ACBD5: variants seen among roughly 807,000 people sequenced by gnomAD.
ACBD5 encodes acyl-CoA binding domain containing 5.
Under a neutral mutation model 71.8 loss-of-function variants are expected in ACBD5, and 40 were observed. The observed-to-expected ratio is 0.56, with a 90% CI of 0.43 to 0.72. The LOEUF is 0.72. Ranked by LOEUF, ACBD5 falls within the 30% of genes least tolerant of loss-of-function variation. The pLI, the probability that ACBD5 is intolerant of heterozygous loss-of-function variation, is 0.00. For missense variants in ACBD5, 559 were observed against 644.5 expected, an observed-to-expected ratio of 0.87 and a Z score of 1.44; for synonymous variants, 229 against 218.6, an observed-to-expected ratio of 1.05 and a Z score of -0.42.
At chr10:27,214,281 T>C (rs983186572) in intron 8 of ACBD5, among the ~76,000 whole-genome samples, 1 of 152,158 alleles carries the variant, frequency 6.6e-6, no homozygotes, top group Non-Finnish European at 1.5e-5. Context: ...TCTGAAATAA[T>C]GGATACTCCA....
At chr10:27,209,003 G>A (rs989202901) in intron 9 of ACBD5, among the ~76,000 whole-genome samples, 2 of 152,006 alleles carry the variant, frequency 1.3e-5, no homozygotes, top group Admixed American at 6.6e-5. Flanking sequence ...AATACATTAT[G>A]CAAATAATTC....
downstream of ACBD5, among the ~76,000 whole-genome samples, chr10:27,193,680 T>C (rs1437075237): frequency 6.6e-6 from 1 of 152,170 alleles, no homozygotes; most frequent in Non-Finnish European, 1.5e-5. Flanking sequence ...ACATTAGATC[T>C]AAATGTACTT....
intron 4 of ACBD5, among the ~76,000 whole-genome samples, chr10:27,226,446 G>C (rs61006029): frequency 0.059 from 6,311 of 107,164 alleles, 265 homozygotes; most frequent in African/African-American, 0.14. Context: ...ATGAGATACA[G>C]ACTACACACA....
chr10:27,185,825 C>T (rs1352865864), intron 13 of ACBD5, among the ~76,000 whole-genome samples: 1 of 151,168 alleles, frequency 6.6e-6, no homozygotes, highest in Non-Finnish European at 1.5e-5. Context: ...CATGGTGACT[C>T]ACACCTGTAA....
chr10:27,198,360 C>T (rs1716134655), intron 12 of ACBD5, among the ~76,000 whole-genome samples: 1 of 152,158 alleles, frequency 6.6e-6, no homozygotes, highest in African/African-American at 2.4e-5. Context: ...CACCTTACAC[C>T]ATCACATATG....
At chr10:27,194,659 A>C (rs1014498860), downstream of ACBD5, among the ~76,000 whole-genome samples, 1 of 137,108 alleles carries the variant, frequency 7.3e-6, no homozygotes, top group African/African-American at 2.8e-5. Context: ...AAGATGGTTG[A>C]TTAGGGTTCA....
chr10:27,182,950 A>C (rs1331164378), intron 13 of ACBD5, among the ~76,000 whole-genome samples: 1 of 152,036 alleles, frequency 6.6e-6, no homozygotes, highest in Non-Finnish European at 1.5e-5. Flanking sequence ...GCCTGTCCTA[A>C]AACAATCTTG....
intron 12 of ACBD5, among the ~76,000 whole-genome samples, chr10:27,201,230 C>T (rs557147113): frequency 2.6e-5 from 4 of 152,176 alleles, no homozygotes; most frequent in African/African-American, 7.2e-5. Context: ...GGTCTGCTTT[C>T]GGTATTTTAA....
At chr10:27,205,177 A>T in intron 11 of ACBD5, 21 bp downstream of exon 11, 1 of 1,608,100 alleles carries the variant, frequency 6.2e-7, no homozygotes, top group Non-Finnish European at 8.5e-7. Context: ...TGGCATTTAA[A>T]TTTTTTAAAA....
chr10:27,206,009 G>C (rs1233655775), intron 10 of ACBD5, among the ~76,000 whole-genome samples: 2 of 152,034 alleles, frequency 1.3e-5, no homozygotes, highest in East Asian at 3.9e-4. Flanking sequence ...CTGGGTTCAA[G>C]CTATCACCCT....
At chr10:27,190,339 C>G (rs114638825), downstream of ACBD5, among the ~76,000 whole-genome samples, 553 of 152,024 alleles carry the variant, frequency 3.6e-3, 4 homozygotes, top group African/African-American at 0.012. Context: ...TTAAACAAAT[C>G]CAGAAATTAT....
At chr10:27,191,176 A>G (rs1452086445), downstream of ACBD5, among the ~76,000 whole-genome samples, 1 of 152,212 alleles carries the variant, frequency 6.6e-6, no homozygotes, top group Non-Finnish European at 1.5e-5. Flanking sequence ...TCTTAAGTGC[A>G]TATTACTAAC....
rs114620852 is a variant in ACBD5 at position 27,230,027 on chromosome 10, A to G, written c.375+1721T>C. Reference sequence around the variant, plus strand: ...ACAATTGAATAGGACAAATGAGTAAATTTTACTTAATGTGTCAATTCAACA... The same window carrying G: ...ACAATTGAATAGGACAAATGAGTAAGTTTTACTTAATGTGTCAATTCAACA... On this transcript the variant is annotated intron_variant, in intron 4 of 12. Transcript: ENST00000396271. Among the ~76,000 whole-genome samples, 317 of 152,132 alleles carry G rather than the reference A, an allele frequency of 2.1e-3. 1 individual carries two copies. Among genetic ancestry groups the G allele is most frequent in the African/African-American group, 7.3e-3 (303 of 41,522 alleles).
intron 2 of ACBD5, among the ~76,000 whole-genome samples, chr10:27,239,853 T>G (rs2065239266): frequency 6.6e-6 from 1 of 152,144 alleles, no homozygotes. Context: ...TTCAAGCAAT[T>G]TCCCTGTCTC....
intron 11 of ACBD5, 73 bp from the exon 12 acceptor site, chr10:27,204,622 C>A: frequency 9.3e-7 from 1 of 1,072,778 alleles, no homozygotes; most frequent in South Asian, 1.3e-5. Flanking sequence ...ATACCTAATT[C>A]ATAATTTTGA....
chr10:27,187,932 A>G lies in ACBD5; in HGVS notation c.1494-5217T>C, dbSNP rs184517512. 3.6e-3 allele frequency among the ~76,000 whole-genome samples: 547 copies of G among 152,330 alleles called. 4 individuals are homozygous for G. The highest frequency in any genetic ancestry group is 0.023 in the South Asian group (113 of 4,830). On this transcript the variant is annotated intron_variant, in intron 13 of 13. Coordinates refer to the ACBD5 transcript ENST00000676511. ...ACAAAACATAATTTTCTTTTGCTTA[A>G]TAAATATAACTATCACAAGTACATT...
At chr10:27,213,184 A>G (rs571102970) in intron 8 of ACBD5, among the ~76,000 whole-genome samples, 2 of 152,302 alleles carry the variant, frequency 1.3e-5, no homozygotes, top group African/African-American at 2.4e-5. Flanking sequence ...TAATAACCTG[A>G]TTAAAACTGG....
chr10:27,192,143 G>A (rs2136364345), downstream of ACBD5, among the ~76,000 whole-genome samples: 1 of 152,094 alleles, frequency 6.6e-6, no homozygotes, highest in South Asian at 2.1e-4. Flanking sequence ...AAGGAGACAG[G>A]ACAACTGATA....
chr10:27,236,155 A>G (rs746439664), intron 2 of ACBD5, among the ~76,000 whole-genome samples: 3 of 152,028 alleles, frequency 2.0e-5, no homozygotes, highest in South Asian at 2.1e-4. Context: ...AGCAAGTGCT[A>G]TAAGTTGCAG....
Sources: allele counts gnomAD v4.1 joint callset (sites outside exome capture counted in the v4.1 genomes callset), GRCh38; gene constraint gnomAD v4.1.1; transcripts MANE v1.5; gene names NCBI Gene and HGNC (gene_info 2026-07-23, HGNC 2026-07-21).